PPP3CA: variants seen among roughly 807,000 people sequenced by gnomAD.
PPP3CA encodes the protein CAM-PRP catalytic subunit.
Under a neutral mutation model 66.5 loss-of-function variants are expected in PPP3CA, and 14 were observed. That is an observed-to-expected ratio of 0.21 (90% CI 0.14 to 0.33). PPP3CA has a LOEUF of 0.33. PPP3CA is among the 10% of genes least tolerant of loss of function. PPP3CA has a pLI of 1.00. For synonymous variants in PPP3CA, 232 were observed against 226.2 expected (o/e 1.03, Z -0.23); for missense variants, 317 against 639.5 (o/e 0.50, Z 5.44).
chr4:101,049,759 G>A (rs976047223), intron 10 of PPP3CA, among the ~76,000 whole-genome samples: 2 of 151,992 alleles, frequency 1.3e-5, no homozygotes, highest in African/African-American at 2.4e-5. Context: ...AGTGAAGGGA[G>A]AAAACAAACA....
At chr4:101,277,998 A>AT (rs1435180874) in intron 1 of PPP3CA, among the ~76,000 whole-genome samples, 2 of 152,002 alleles carry the variant, frequency 1.3e-5, no homozygotes, top group African/African-American at 2.4e-5. Context: ...ATAAAACCAG[A>AT]TATGTTTTTC....
intron 1 of PPP3CA, among the ~76,000 whole-genome samples, chr4:101,320,205 T>A (rs1201345814): frequency 2.0e-5 from 3 of 151,846 alleles, no homozygotes; most frequent in Non-Finnish European, 4.4e-5. Context: ...ATTTTTTTTT[T>A]ATTTCAAGAA....
In PPP3CA at chr4:101,134,265, CT is replaced by C. The variant is rs559290235; in HGVS notation, c.260-25188del. ...AGGATCTAATTAAACTAAAGAGCTT[CT>C]GCAGAGCAAAAGAAACTATCATCAG... is the stretch of plus-strand genomic sequence containing the variant. On this transcript the variant is annotated intron_variant, in intron 2 of 13. Transcript: ENST00000394854. 1.9e-3 allele frequency among the ~76,000 whole-genome samples: 282 copies of C among 152,280 alleles called. 2 individuals are homozygous for C. Among genetic ancestry groups the C allele is most frequent in the African/African-American group, 6.5e-3 (269 of 41,542 alleles).
At chr4:101,322,533 C>A (rs1447264566) in intron 1 of PPP3CA, among the ~76,000 whole-genome samples, 1 of 151,790 alleles carries the variant, frequency 6.6e-6, no homozygotes, top group Non-Finnish European at 1.5e-5. Context: ...GCCTCAGCCT[C>A]CCAAGTAGCT....
chr4:101,322,616 G>C (rs964881537), intron 1 of PPP3CA, among the ~76,000 whole-genome samples: 4 of 151,928 alleles, frequency 2.6e-5, no homozygotes, highest in Non-Finnish European at 5.9e-5. Context: ...CACCATGCTG[G>C]CCAGGCTGGT....
At chr4:101,248,354 T>C (rs1318635967) in intron 1 of PPP3CA, among the ~76,000 whole-genome samples, 1 of 152,228 alleles carries the variant, frequency 6.6e-6, no homozygotes, top group Admixed American at 6.5e-5. Flanking sequence ...GATGATTCTT[T>C]TAATGCATGC....
At chr4:101,092,965 T>C (rs1419460176) in intron 6 of PPP3CA, among the ~76,000 whole-genome samples, 5 of 152,224 alleles carry the variant, frequency 3.3e-5, no homozygotes, top group Non-Finnish European at 7.3e-5. Context: ...CCTTTGGGTA[T>C]ATACCCAGTA....
At chr4:101,059,738 T>G (rs1236175104) in intron 10 of PPP3CA, among the ~76,000 whole-genome samples, 1 of 152,154 alleles carries the variant, frequency 6.6e-6, no homozygotes, top group East Asian at 1.9e-4. Flanking sequence ...CCTTGCCCTC[T>G]TCACCCTTTA....
intron 1 of PPP3CA, among the ~76,000 whole-genome samples, chr4:101,292,795 T>G (rs1009019831): frequency 6.6e-6 from 1 of 152,254 alleles, no homozygotes; most frequent in Non-Finnish European, 1.5e-5. Context: ...TGAAAAGTTT[T>G]GAAGATTCTT....
At chr4:101,293,993 C>G (rs548584865) in intron 1 of PPP3CA, among the ~76,000 whole-genome samples, 4 of 151,986 alleles carry the variant, frequency 2.6e-5, no homozygotes, top group Admixed American at 6.5e-5. Flanking sequence ...ATAGGAAAAC[C>G]AATATTTTCA....
chr4:101,191,739 A>G (rs1430453597), intron 2 of PPP3CA, among the ~76,000 whole-genome samples: 2 of 152,300 alleles, frequency 1.3e-5, no homozygotes, highest in East Asian at 3.9e-4. Flanking sequence ...AATTCTCCTA[A>G]TTGACGTCAG....
At chr4:101,090,264 CTA>C (rs927859573) in intron 6 of PPP3CA, among the ~76,000 whole-genome samples, 58 of 152,270 alleles carry the variant, frequency 3.8e-4, no homozygotes, top group African/African-American at 1.4e-3. Context: ...ATTAGTCAGT[CTA>C]TATATAGGCC....
In PPP3CA at chr4:101,034,445, T is replaced by C. The variant is rs184018275; in HGVS notation, c.1242-2081A>G. On this transcript the variant is annotated intron_variant, in intron 11 of 13. Transcript: ENST00000394854. ...CCCTTGAAAAACGATACAGTGTGTT[T>C]ACTTGCTTATTTCTGGTCTCCTGTC... 1.8e-4 allele frequency among the ~76,000 whole-genome samples: 27 copies of C among 152,282 alleles called. 1 individual carries two copies. The East Asian group carries it at 5.2e-3, about 29-fold the overall frequency.
At chr4:101,321,030 T>A (rs189013593) in intron 1 of PPP3CA, among the ~76,000 whole-genome samples, 6 of 152,312 alleles carry the variant, frequency 3.9e-5, no homozygotes, top group African/African-American at 1.4e-4. Flanking sequence ...TGTATGTGCT[T>A]AAAGTCAAAT....
intron 2 of PPP3CA, among the ~76,000 whole-genome samples, chr4:101,188,537 C>T (rs1053516714): frequency 4.6e-5 from 7 of 152,066 alleles, no homozygotes; most frequent in Non-Finnish European, 4.4e-5. Context: ...ATATGATGAA[C>T]GCGATCTAAA....
At chr4:101,214,323 A>C (rs1432405148) in intron 1 of PPP3CA, among the ~76,000 whole-genome samples, 3 of 152,096 alleles carry the variant, frequency 2.0e-5, no homozygotes, top group East Asian at 3.9e-4. Flanking sequence ...ATGACAGCAC[A>C]AAGTGGTTGT....
intron 1 of PPP3CA, among the ~76,000 whole-genome samples, chr4:101,298,885 GTA>G (rs1245262632): frequency 9.4e-5 from 13 of 138,832 alleles, no homozygotes; most frequent in South Asian, 2.3e-4. Context: ...GTGTGTGTGT[GTA>G]TACACTCATG....
At chr4:101,118,934 T>C (rs12639641) in intron 2 of PPP3CA, among the ~76,000 whole-genome samples, 16,488 of 150,208 alleles carry the variant, frequency 0.11, 1,585 homozygotes, top group East Asian at 0.32. Flanking sequence ...GCCTCATCTA[T>C]AAGGAGACTC....
chr4:101,215,048 A>C (rs1300628258), intron 1 of PPP3CA, among the ~76,000 whole-genome samples: 1 of 152,072 alleles, frequency 6.6e-6, no homozygotes, highest in Non-Finnish European at 1.5e-5. Flanking sequence ...CTCTTTGTTA[A>C]GAAAACTCTC....
Sources: allele counts gnomAD v4.1 joint callset (sites outside exome capture counted in the v4.1 genomes callset), GRCh38; gene constraint gnomAD v4.1.1; transcripts MANE v1.5; gene names NCBI Gene and HGNC (gene_info 2026-07-23, HGNC 2026-07-21).